CSGALNACT1: variants seen among roughly 807,000 people sequenced by gnomAD.
The protein encoded by CSGALNACT1 is chondroitin sulfate N-acetylgalactosaminyltransferase 1, also known as beta4GalNAcT-1.
Under a neutral mutation model 51.0 loss-of-function variants are expected in CSGALNACT1, and 52 were observed. The ratio of observed to expected loss-of-function variants is 1.02; its 90% confidence interval spans 0.82 to 1.29. CSGALNACT1 has a LOEUF of 1.29. Among genes scored for constraint, CSGALNACT1 ranks in the 50% most tolerant of loss-of-function variants. The pLI is 0.00. For missense variants in CSGALNACT1, 935 were observed against 679.2 expected (o/e 1.38, Z -4.19); for synonymous variants, 341 against 254.4 (o/e 1.34, Z -3.24).
intron 1 of CSGALNACT1, among the ~76,000 whole-genome samples, chr8:19,645,938 A>T (rs866081638): frequency 4.8e-4 from 73 of 152,334 alleles, no homozygotes; most frequent in Non-Finnish European, 3.4e-4. Context: ...AACGGTAAAA[A>T]GAATCCCACC....
At position 19,428,279 on chromosome 8, in the gene CSGALNACT1, A is replaced by T. The variant is rs1168509417; in HGVS notation, c.954-7761T>A. Among the ~76,000 whole-genome samples the T allele has an allele frequency of 2.0e-5, 3 of 152,132 alleles. No homozygotes were observed. The East Asian group carries it at 5.8e-4, about 29-fold the overall frequency. ...CATATCGAAGACTGGGTAATTTCTAAAGGAAAGAAGTTTAATTGCCTCACA... is the reference window on the plus strand; with the variant it reads ...CATATCGAAGACTGGGTAATTTCTATAGGAAAGAAGTTTAATTGCCTCACA... On this transcript the variant is annotated intron_variant, in intron 6 of 9. Coordinates refer to ENST00000454498, the Ensembl canonical transcript of CSGALNACT1.
Position 19,563,429 on chromosome 8 carries a change from TA to T in CSGALNACT1, c.-297+27730del, listed in dbSNP as rs781589074. Among the ~76,000 whole-genome samples the T allele has an allele frequency of 3.9e-5, 6 of 152,292 alleles. No individual in the cohort carries two copies. In the East Asian group the frequency reaches 9.6e-4, roughly 24 times the overall value. ...TATCCTGCACGTGTAACCTGGAACT[TA>T]AAAATTTTTTAAATAGAAAAATATT... On this transcript the variant is annotated intron_variant, in intron 3 of 9. Transcript: ENST00000454498.
chr8:19,626,977 T>C (rs2054538831), intron 1 of CSGALNACT1, among the ~76,000 whole-genome samples: 1 of 152,204 alleles, frequency 6.6e-6, no homozygotes, highest in African/African-American at 2.4e-5. Flanking sequence ...GTACAACCAC[T>C]AACGGAAACA....
chr8:19,511,541 T>C (rs1259884141), intron 3 of CSGALNACT1, among the ~76,000 whole-genome samples: 1 of 152,194 alleles, frequency 6.6e-6, no homozygotes, highest in Non-Finnish European at 1.5e-5. Context: ...TAAACTTTAT[T>C]TGAACATATG....
In CSGALNACT1 at chr8:19,757,030, G is replaced by A. The variant is rs142588427; in HGVS notation, c.-297+820C>T. On this transcript the variant is annotated intron_variant, in intron 1 of 1. Coordinates refer to the CSGALNACT1 transcript ENST00000517494. This position sits in a 1 kb window ranked among gnomAD's most constrained non-coding sequence, Gnocchi z 4.0. ...GCGGGCAGCGGCGGAGGGAGGCCAGGCGCGGCACCGTCCTCCGCAGCTGCA... is the reference window on the plus strand; with the variant it reads ...GCGGGCAGCGGCGGAGGGAGGCCAGACGCGGCACCGTCCTCCGCAGCTGCA... Among the ~76,000 whole-genome samples, 13,294 of 150,748 alleles carry A rather than the reference G, an allele frequency of 0.088. 746 individuals are homozygous for A. Among genetic ancestry groups the A allele is most frequent in the Non-Finnish European group, 0.11 (7,583 of 67,532 alleles).
At chr8:19,450,446 A>G (rs559130972) in intron 5 of CSGALNACT1, among the ~76,000 whole-genome samples, 156 of 152,206 alleles carry the variant, frequency 1.0e-3, no homozygotes, top group Non-Finnish European at 1.8e-3. Flanking sequence ...GTTACCAGCC[A>G]CAGGTAGAGA....
At chr8:19,687,374 G>GA (rs1165834934), upstream of CSGALNACT1, among the ~76,000 whole-genome samples, 16 of 152,166 alleles carry the variant, frequency 1.1e-4, no homozygotes, top group African/African-American at 3.9e-4. Flanking sequence ...TTTTGCTTTA[G>GA]AAAAAGAGTA....
rs11380465 is a variant in CSGALNACT1, at chr8:19,754,040, A to ATT, written c.-297+3808_-297+3809dup. ...TAAAGGTGAGATTCAATGTGGCTCC[A>ATT]TTTTCTTTTTTCAGTCTCGCTCTGT... On this transcript the variant is annotated intron_variant, in intron 1 of 1. Transcript: ENST00000517494. Among the ~76,000 whole-genome samples, 1,295 of 150,732 alleles carry ATT rather than the reference A, an allele frequency of 8.6e-3. 16 individuals carry two copies. The highest frequency in any genetic ancestry group is 0.021 in the African/African-American group (877 of 41,042).
At chr8:19,624,647 C>T (rs1472595554) in intron 1 of CSGALNACT1, among the ~76,000 whole-genome samples, 1 of 151,810 alleles carries the variant, frequency 6.6e-6, no homozygotes, top group African/African-American at 2.4e-5. Flanking sequence ...AGGCTACTTC[C>T]TTCCATCTTG....
At chr8:19,430,631 G>GT (rs2059513466) in intron 6 of CSGALNACT1, among the ~76,000 whole-genome samples, 1 of 152,156 alleles carries the variant, frequency 6.6e-6, no homozygotes, top group Non-Finnish European at 1.5e-5. Flanking sequence ...GAAATTGAGA[G>GT]TATGAGTCCT....
chr8:19,515,134 T>C (rs1486722123), intron 3 of CSGALNACT1, among the ~76,000 whole-genome samples: 1 of 152,092 alleles, frequency 6.6e-6, no homozygotes, highest in Non-Finnish European at 1.5e-5. Flanking sequence ...TTCCTGCCTC[T>C]GGACCCCACT....
chr8:19,611,357 G>A (rs1045901482), intron 1 of CSGALNACT1, among the ~76,000 whole-genome samples: 1 of 152,176 alleles, frequency 6.6e-6, no homozygotes, highest in Admixed American at 6.5e-5. Flanking sequence ...ACCACACCCG[G>A]TTTAAGGTTT....
intron 6 of CSGALNACT1, among the ~76,000 whole-genome samples, chr8:19,424,908 G>T (rs923068299): frequency 2.0e-5 from 3 of 152,224 alleles, no homozygotes; most frequent in Non-Finnish European, 2.9e-5. Context: ...CAGGCATGCT[G>T]CTTTATTCTC....
chr8:19,622,369 C>A (rs942885362), intron 1 of CSGALNACT1, among the ~76,000 whole-genome samples: 1 of 152,080 alleles, frequency 6.6e-6, no homozygotes, highest in African/African-American at 2.4e-5. Flanking sequence ...TGTACTTGAC[C>A]CAGATCTTAT....
At chr8:19,518,211 T>G (rs2079938983) in intron 3 of CSGALNACT1, among the ~76,000 whole-genome samples, 1 of 152,216 alleles carries the variant, frequency 6.6e-6, no homozygotes, top group South Asian at 2.1e-4. Flanking sequence ...TAAGGCTTTC[T>G]TTTAAATGAA....
chr8:19,534,129 T>C (rs1246279462), intron 3 of CSGALNACT1, among the ~76,000 whole-genome samples: 1 of 152,192 alleles, frequency 6.6e-6, no homozygotes, highest in African/African-American at 2.4e-5. Context: ...TACTTGATGT[T>C]AGCAAGTTCA....
chr8:19,701,693 T>C (rs1441819038), intron 1 of CSGALNACT1, among the ~76,000 whole-genome samples: 1 of 152,194 alleles, frequency 6.6e-6, no homozygotes, highest in Non-Finnish European at 1.5e-5. Context: ...ATAATGATGA[T>C]GACAATGTTA....
chr8:19,659,062 C>T (rs1237011733), intron 1 of CSGALNACT1, among the ~76,000 whole-genome samples: 1 of 152,082 alleles, frequency 6.6e-6, no homozygotes, highest in Non-Finnish European at 1.5e-5. Context: ...GGCAGGGCTC[C>T]CCCCAACCCA....
At chr8:19,513,795 G>C (rs781356990) in intron 3 of CSGALNACT1, among the ~76,000 whole-genome samples, 1 of 151,956 alleles carries the variant, frequency 6.6e-6, no homozygotes, top group Non-Finnish European at 1.5e-5. Context: ...TAACACTATG[G>C]TATTTGTGTA....
Sources: allele counts gnomAD v4.1 joint callset (sites outside exome capture counted in the v4.1 genomes callset), GRCh38; gene constraint gnomAD v4.1.1; non-coding constraint Gnocchi (gnomAD v3.1); transcripts MANE v1.5; gene names NCBI Gene and HGNC (gene_info 2026-07-23, HGNC 2026-07-21).